Variants in STK10 observed in about 807,000 individuals in gnomAD.
STK10 encodes serine/threonine-protein kinase 10.
In STK10, 78 loss-of-function variants were observed where a neutral mutation model predicts 113.8. The observed-to-expected ratio is 0.69, with a 90% CI of 0.57 to 0.83. The LOEUF (loss-of-function observed/expected upper bound fraction) is 0.83, where lower values mean the gene tolerates loss of function less well. Among genes scored for constraint, STK10 ranks in the 40% least tolerant of loss-of-function variants. STK10 has a pLI of 0.00. For synonymous variants in STK10, 465 were observed against 494.7 expected (o/e 0.94, Z 0.80); for missense variants, 1,109 against 1,280.1 (o/e 0.87, Z 2.04).
intron 1 of STK10, among the ~76,000 whole-genome samples, chr5:172,157,007 A>C (rs916039288): frequency 2.0e-5 from 3 of 152,230 alleles, no homozygotes; most frequent in Non-Finnish European, 4.4e-5. Flanking sequence ...CAAAAATACA[A>C]GAATGACACA....
chr5:172,093,514 G>A lies in STK10; in HGVS notation c.1452C>T (p.Asp484=), dbSNP rs552564024. Residue 484 remains aspartate (D), a synonymous_variant, in exon 9 of 19, where the codon GAC becomes GAT. Coordinates refer to ENST00000176763, the MANE Select transcript of STK10 (RefSeq NM_005990.4). The surrounding 1 kb of genome is among the most constrained non-coding windows in gnomAD (Gnocchi z 4.1). ...AGGTGCAGAGGCTGCTGCAGTCCGA[G>A]TCCCTCTTGGAAGGCCCTGGAGCTG... ...AQAAPGPSKR[D]SDCSSLCTSE... 1.2e-4 allele frequency: 191 copies of A among 1,614,226 alleles called. 2 individuals carry two copies. The South Asian group carries it at 2.0e-3, about 17-fold the overall frequency.
At chr5:172,159,141 T>C (rs1436082872) in intron 1 of STK10, among the ~76,000 whole-genome samples, 1 of 152,136 alleles carries the variant, frequency 6.6e-6, no homozygotes, top group East Asian at 1.9e-4. Context: ...GTCTGGGAAA[T>C]GGGAGGTGAG....
At chr5:172,180,911 A>T (rs1459748609) in intron 1 of STK10, among the ~76,000 whole-genome samples, 1 of 152,270 alleles carries the variant, frequency 6.6e-6, no homozygotes, top group East Asian at 1.9e-4. Flanking sequence ...ACTTTGCTCC[A>T]ACACCATCAA....
intron 4 of STK10, among the ~76,000 whole-genome samples, chr5:172,110,254 G>A (rs1769208826): frequency 1.3e-5 from 2 of 152,348 alleles, no homozygotes; most frequent in South Asian, 2.1e-4. Flanking sequence ...TGCACAGTAG[G>A]GGGTGTGACC....
At chr5:172,138,546 A>C (rs913566986) in intron 2 of STK10, among the ~76,000 whole-genome samples, 13 of 152,328 alleles carry the variant, frequency 8.5e-5, no homozygotes, top group Admixed American at 2.0e-4. Flanking sequence ...ACAAAAATCA[A>C]CCGTGTTTCT....
intron 1 of STK10, among the ~76,000 whole-genome samples, chr5:172,167,872 A>G (rs1461238064): frequency 2.0e-5 from 3 of 152,198 alleles, no homozygotes; most frequent in African/African-American, 7.2e-5. Context: ...GTAAGGGAGC[A>G]TCTAAAACTC....
At chr5:172,086,801 G>C (rs115480525) in intron 10 of STK10, among the ~76,000 whole-genome samples, 1 of 152,162 alleles carries the variant, frequency 6.6e-6, no homozygotes, top group African/African-American at 2.4e-5. Flanking sequence ...CCCGGTTCCT[G>C]CCGAGCACCT....
Position 172,082,212 on chromosome 5 carries a change from G to A in STK10, c.1989+114C>T. 1 of 1,221,188 alleles carries A rather than the reference G, an allele frequency of 8.2e-7. No individual in the cohort carries two copies. Among genetic ancestry groups the A allele is most frequent in the South Asian group, 1.9e-5 (1 of 53,710 alleles). 75.6% of individuals were successfully genotyped at this position (1,221,188 alleles called of 1,614,324 possible). A position where few individuals can be genotyped will look rare whatever the true frequency, so the allele number is the denominator to read the frequency against. On this transcript the variant is annotated intron_variant, in intron 12 of 18. Coordinates refer to ENST00000176763, the MANE Select transcript of STK10 (RefSeq NM_005990.4). This position sits in a 1 kb window ranked among gnomAD's most constrained non-coding sequence, Gnocchi z 4.3. ...CAGATCCAGGCTCACCTGCTCCCGAGCTCTTCAGCCGTACCCCTCTGCTGC... is the reference window on the plus strand; with the variant it reads ...CAGATCCAGGCTCACCTGCTCCCGAACTCTTCAGCCGTACCCCTCTGCTGC...
chr5:172,175,390 A>G (rs1447757100), intron 1 of STK10, among the ~76,000 whole-genome samples: 3 of 152,016 alleles, frequency 2.0e-5, no homozygotes, highest in Admixed American at 6.6e-5. Context: ...TATGGTGGAG[A>G]GAGGGAGAAG....
intron 1 of STK10, among the ~76,000 whole-genome samples, chr5:172,172,850 C>T (rs1418374253): frequency 1.3e-5 from 2 of 151,992 alleles, no homozygotes; most frequent in African/African-American, 2.4e-5. Context: ...TGTGGTAGCA[C>T]GTGCCTGTAA....
chr5:172,164,211 TAAAAAA>T (rs57573746), intron 1 of STK10, among the ~76,000 whole-genome samples: 3 of 84,632 alleles, frequency 3.5e-5, no homozygotes, highest in African/African-American at 1.4e-4. Flanking sequence ...AAACTCCATC[TAAAAAA>T]AAAAAAAAAA....
chr5:172,124,207 G>A (rs1769573897), intron 3 of STK10, among the ~76,000 whole-genome samples: 1 of 152,158 alleles, frequency 6.6e-6, no homozygotes, highest in African/African-American at 2.4e-5. Flanking sequence ...GGGATTACAG[G>A]CTTGAGCCGC....
chr5:172,074,509 A>G (rs1406391500), intron 12 of STK10, among the ~76,000 whole-genome samples: 1 of 152,180 alleles, frequency 6.6e-6, no homozygotes, highest in East Asian at 1.9e-4. Flanking sequence ...TTATTATTAT[A>G]GCAGTAATAA....
Position 172,093,914 on chromosome 5 carries a change from C to T in STK10, c.1052G>A (p.Ser351Asn), listed in dbSNP as rs1768787183. The change falls in exon 9 of 19, where the codon AGC (serine) becomes AAC (asparagine). Residue 351 changes from serine (S) to asparagine (N), a missense_variant. Ser to Asn is a conservative substitution (Grantham distance 46). Transcript: ENST00000176763. The surrounding 1 kb of genome is among the most constrained non-coding windows in gnomAD (Gnocchi z 4.1). ...CTCGAGAGGCTTGTCAGCATTGAGG[C>T]TTGGCGGACTCACCTCAGAGGAGTT... ...TQNSSEVSPPSLNADKPLEES... is the reference protein window; with the variant it reads ...TQNSSEVSPPNLNADKPLEES... The T allele has an allele frequency of 1.3e-6, 2 of 1,530,384 alleles. No homozygotes were observed. The highest frequency in any genetic ancestry group is 1.8e-4 in the Middle Eastern group (1 of 5,628). The allele number at this position is 1,530,384 out of a possible 1,614,324, so 94.8% of individuals were successfully genotyped here. A position where few individuals can be genotyped will look rare whatever the true frequency, so the allele number is the denominator to read the frequency against.
chr5:172,112,466 G>A (rs1769260069), intron 4 of STK10, among the ~76,000 whole-genome samples: 1 of 147,432 alleles, frequency 6.8e-6, no homozygotes, highest in Admixed American at 6.9e-5. Flanking sequence ...TGTCACCCAG[G>A]CTGGAGTGCA....
At chr5:172,131,367 A>G (rs1769754061) in intron 2 of STK10, among the ~76,000 whole-genome samples, 2 of 152,286 alleles carry the variant, frequency 1.3e-5, no homozygotes, top group East Asian at 3.9e-4. Flanking sequence ...CAGTATGAGA[A>G]GTGACCAAAC....
Position 172,133,650 on chromosome 5 carries a change from G to A in STK10, c.322-6229C>T, listed in dbSNP as rs1769800177. Among the ~76,000 whole-genome samples, 1 of 152,214 alleles carries A rather than the reference G, an allele frequency of 6.6e-6. No individual in the cohort carries two copies. On this transcript the variant is annotated intron_variant, in intron 2 of 18. Coordinates refer to ENST00000176763, the MANE Select transcript of STK10 (RefSeq NM_005990.4). This position sits in a 1 kb window ranked among gnomAD's most constrained non-coding sequence, Gnocchi z 4.9. Reference sequence around the variant, plus strand: ...TTGCAGGAAACCATGTTGCAACCACGAGAGAAGTGGGTGTGAAGACAAAGC... The same window carrying A: ...TTGCAGGAAACCATGTTGCAACCACAAGAGAAGTGGGTGTGAAGACAAAGC...
chr5:172,106,403 A>G (rs112005057), intron 6 of STK10, among the ~76,000 whole-genome samples: 139 of 102,630 alleles, frequency 1.4e-3, no homozygotes, highest in African/African-American at 2.4e-3. Flanking sequence ...CCCTATCTCA[A>G]AAAAAAAAAA....
At chr5:172,065,005 G>A (rs909083321) in intron 12 of STK10, among the ~76,000 whole-genome samples, 193 bp from the exon 13 acceptor site, 9 of 152,260 alleles carry the variant, frequency 5.9e-5, no homozygotes, top group South Asian at 2.1e-4. Context: ...CCTGCCTGCC[G>A]CTGGTTTCAG....
Sources: allele counts gnomAD v4.1 joint callset (sites outside exome capture counted in the v4.1 genomes callset), GRCh38; gene constraint gnomAD v4.1.1; non-coding constraint Gnocchi (gnomAD v3.1); transcripts MANE v1.5; gene names NCBI Gene and HGNC (gene_info 2026-07-23, HGNC 2026-07-21).